ZCCHC7: variants seen among roughly 807,000 people sequenced by gnomAD.
The protein encoded by ZCCHC7 is zinc finger CCHC-type containing 7.
A neutral mutation model predicts 52.0 loss-of-function variants in ZCCHC7; 35 were observed. The ratio of observed to expected loss-of-function variants is 0.67; its 90% confidence interval spans 0.51 to 0.89. The LOEUF (loss-of-function observed/expected upper bound fraction) is 0.89. ZCCHC7 is among the 40% of genes least tolerant of loss of function. The pLI is 0.00. For missense variants in ZCCHC7, 574 were observed against 649.1 expected (o/e 0.88, Z 1.26); for synonymous variants, 217 against 221.5 (o/e 0.98, Z 0.18).
rs1459904390 is a variant in ZCCHC7 at position 37,357,214 on chromosome 9, A to C, written c.1578A>C (p.Glu526Asp). Residue 526 changes from glutamate to aspartate, a missense_variant, in exon 9 of 9, where the codon GAA becomes GAC. Transcript: ENST00000336755. Reference sequence around the variant, plus strand: ...AGAAGAAAAAGGAGAGGTGCTGGGAAGATGATGACAATGATAACTTATTTC... The same window carrying C: ...AGAAGAAAAAGGAGAGGTGCTGGGACGATGATGACAATGATAACTTATTTC... ...GKQKKKERCW[E>D]DDDNDNLFLI... 1 of 1,610,712 alleles carries C rather than the reference A, an allele frequency of 6.2e-7. No homozygotes were observed. Among genetic ancestry groups the C allele is most frequent in the Non-Finnish European group, 8.5e-7 (1 of 1,179,162 alleles).
chr9:37,134,795 A>G (rs1334758390), intron 2 of ZCCHC7, among the ~76,000 whole-genome samples: 1 of 152,104 alleles, frequency 6.6e-6, no homozygotes, highest in Non-Finnish European at 1.5e-5. Context: ...GTGCAGTCTC[A>G]GCTCACCGCA....
At chr9:37,340,745 G>A (rs531318995) in intron 6 of ZCCHC7, among the ~76,000 whole-genome samples, 150 of 152,264 alleles carry the variant, frequency 9.9e-4, no homozygotes, top group Non-Finnish European at 1.8e-3. Context: ...TTGTCCACTG[G>A]AAACCACTAT....
chr9:37,327,484 C>T, intron 5 of ZCCHC7: 1 of 271,898 alleles, frequency 3.7e-6, no homozygotes, highest in East Asian at 6.7e-5. Flanking sequence ...TGATTTTGAC[C>T]ACTGCTGTTC....
chr9:37,144,395 C>T (rs1564139791), intron 2 of ZCCHC7, among the ~76,000 whole-genome samples: 1 of 151,894 alleles, frequency 6.6e-6, no homozygotes, highest in Non-Finnish European at 1.5e-5. Context: ...AGATTTATAT[C>T]ATCCTAACAT....
intron 2 of ZCCHC7, among the ~76,000 whole-genome samples, chr9:37,260,482 A>C (rs1826812616): frequency 6.6e-6 from 1 of 152,240 alleles, no homozygotes; most frequent in Non-Finnish European, 1.5e-5. Flanking sequence ...TAACAAGTTC[A>C]AGATGGCGAC....
At chr9:37,314,160 A>G (rs905561010) in intron 5 of ZCCHC7, among the ~76,000 whole-genome samples, 11 of 152,208 alleles carry the variant, frequency 7.2e-5, no homozygotes, top group African/African-American at 2.7e-4. Context: ...TGTGTAGAAG[A>G]TAGAGATAAT....
At position 37,195,393 on chromosome 9, in the gene ZCCHC7, A is replaced by G. The variant is rs562963378; in HGVS notation, c.610+68451A>G. On this transcript the variant is annotated intron_variant, in intron 2 of 8. Coordinates refer to ENST00000336755, the MANE Select transcript of ZCCHC7 (RefSeq NM_032226.3). ...GACGTTGCAGAAGAAACTACAAAAT[A>G]AAGTTTTTTTTGTTTATTTTCTTCT... Among the ~76,000 whole-genome samples, 122 of 152,340 alleles carry G rather than the reference A, an allele frequency of 8.0e-4. 1 individual carries two copies. Among genetic ancestry groups the G allele is most frequent in the South Asian group, 2.5e-3 (12 of 4,830 alleles).
chr9:37,295,010 A>G (rs1451272700), intron 2 of ZCCHC7, among the ~76,000 whole-genome samples: 1 of 152,210 alleles, frequency 6.6e-6, no homozygotes, highest in East Asian at 1.9e-4. Flanking sequence ...AAATATGAAT[A>G]CCTATGGTAA....
In ZCCHC7 at chr9:37,120,582, GT is replaced by G; in HGVS notation, c.-59del. Reference sequence around the variant, plus strand: ...CTCGCCCCTCCCCGTCCCTCTACGCGTTTTGGTTCCCGGTTGGTGCTTCCTG... The same window carrying G: ...CTCGCCCCTCCCCGTCCCTCTACGCGTTTGGTTCCCGGTTGGTGCTTCCTG... On this transcript the variant is annotated 5_prime_UTR_variant, in exon 1 of 9. Transcript: ENST00000336755. 1 of 399,244 alleles carries G rather than the reference GT, an allele frequency of 2.5e-6. No homozygotes were observed. Among genetic ancestry groups the G allele is most frequent in the Non-Finnish European group, 4.4e-6 (1 of 226,262 alleles). The allele number at this position is 399,244 out of a possible 1,614,324, so 24.7% of individuals were successfully genotyped here. A position where few individuals can be genotyped will look rare whatever the true frequency, so the allele number is the denominator to read the frequency against.
chr9:37,138,896 A>G (rs1197192650), intron 2 of ZCCHC7, among the ~76,000 whole-genome samples: 2 of 151,966 alleles, frequency 1.3e-5, no homozygotes, highest in East Asian at 3.8e-4. Flanking sequence ...TATGATTTAT[A>G]TAGACAGTAT....
intron 5 of ZCCHC7, among the ~76,000 whole-genome samples, chr9:37,312,766 C>T (rs757059889): frequency 2.6e-5 from 4 of 152,126 alleles, no homozygotes; most frequent in Admixed American, 6.5e-5. Context: ...CTACAAAAAA[C>T]ATTTTTTTAA....
intron 2 of ZCCHC7, among the ~76,000 whole-genome samples, chr9:37,277,516 T>G (rs927946295): frequency 6.6e-6 from 1 of 152,036 alleles, no homozygotes; most frequent in Non-Finnish European, 1.5e-5. Context: ...TAAAATAAAC[T>G]ATCTGAAGGC....
chr9:37,326,506 T>A (rs1226392689), intron 5 of ZCCHC7, among the ~76,000 whole-genome samples: 2 of 137,086 alleles, frequency 1.5e-5, no homozygotes, highest in Non-Finnish European at 3.0e-5. Flanking sequence ...AGGAGCAGTC[T>A]ACACAGCTTT....
intron 5 of ZCCHC7, among the ~76,000 whole-genome samples, chr9:37,306,695 C>CCTCATGAT (rs770413201): frequency 7.6e-5 from 11 of 144,430 alleles, no homozygotes; most frequent in Non-Finnish European, 1.5e-4. Flanking sequence ...GATCTCCTGA[C>CCTCATGAT]CTCATGATCC....
intron 2 of ZCCHC7, among the ~76,000 whole-genome samples, chr9:37,165,852 C>A (rs1821389723): frequency 6.6e-6 from 1 of 152,188 alleles, no homozygotes; most frequent in East Asian, 1.9e-4. Flanking sequence ...TCAGAATCAT[C>A]TGTTTTGGAA....
At chr9:37,327,011 T>C (rs574723419) in intron 5 of ZCCHC7, 3 of 152,218 alleles carry the variant, frequency 2.0e-5, no homozygotes, top group East Asian at 3.9e-4. Context: ...TTAGAAAAAG[T>C]GTCCTTAACA....
At chr9:37,131,157 G>A (rs1588347880) in intron 2 of ZCCHC7, among the ~76,000 whole-genome samples, 2 of 151,244 alleles carry the variant, frequency 1.3e-5, no homozygotes, top group African/African-American at 2.4e-5. Context: ...TGGCTAACAC[G>A]GTGAAACCCC....
At chr9:37,206,963 C>CAA (rs566151095) in intron 2 of ZCCHC7, among the ~76,000 whole-genome samples, 1 of 132,266 alleles carries the variant, frequency 7.6e-6, no homozygotes. Flanking sequence ...GTAGTCTCTC[C>CAA]AAAAAAAAAA....
At chr9:37,338,570 A>C (rs2118438386) in intron 6 of ZCCHC7, among the ~76,000 whole-genome samples, 1 of 152,346 alleles carries the variant, frequency 6.6e-6, no homozygotes, top group East Asian at 1.9e-4. Flanking sequence ...ACAGAGATAC[A>C]GGAAATATCA....
Sources: allele counts gnomAD v4.1 joint callset (sites outside exome capture counted in the v4.1 genomes callset), GRCh38; gene constraint gnomAD v4.1.1; transcripts MANE v1.5; gene names NCBI Gene and HGNC (gene_info 2026-07-23, HGNC 2026-07-21).